Variants in MKLN1 observed in about 807,000 individuals in gnomAD.
MKLN1 encodes muskelin.
Under a neutral mutation model 99.0 loss-of-function variants are expected in MKLN1, and 18 were observed. That is an observed-to-expected ratio of 0.18 (90% CI 0.13 to 0.27). MKLN1 has a LOEUF of 0.27. Ranked by LOEUF, MKLN1 falls within the 10% of genes least tolerant of loss-of-function variation. The pLI is 1.00. For synonymous variants in MKLN1, 288 were observed against 293.2 expected (o/e 0.98, Z 0.18); for missense variants, 621 against 875.9 (o/e 0.71, Z 3.67).
intron 3 of MKLN1, among the ~76,000 whole-genome samples, chr7:131,292,721 G>A (rs1798239006): frequency 6.6e-6 from 1 of 152,198 alleles, no homozygotes; most frequent in Admixed American, 6.5e-5. Flanking sequence ...CCTACTTCCA[G>A]CTTCCAGACA....
Position 131,491,846 on chromosome 7 carries a change from T to C in MKLN1, c.*4118T>C, listed in dbSNP as rs1797431262. 1 of 152,678 alleles carries C rather than the reference T, an allele frequency of 6.5e-6. No homozygotes were observed. The highest frequency in any genetic ancestry group is 1.5e-5 in the Non-Finnish European group (1 of 68,040). 9.5% of individuals were successfully genotyped at this position (152,678 alleles called of 1,614,324 possible). ...TTATTTTTCTTAGCTAATGTAACTT[T>C]ATTCTTCACTTTTTTTTAGCCCTAG... On this transcript the variant is annotated 3_prime_UTR_variant, in exon 18 of 18. Coordinates refer to ENST00000352689, the MANE Select transcript of MKLN1 (RefSeq NM_013255.5).
chr7:131,303,446 C>T (rs1798407347), intron 3 of MKLN1, among the ~76,000 whole-genome samples: 2 of 152,368 alleles, frequency 1.3e-5, no homozygotes, highest in African/African-American at 2.4e-5. Flanking sequence ...ACTCAACAAA[C>T]AGAACCCTGG....
chr7:131,376,321 A>G (rs1444038015), intron 2 of MKLN1, among the ~76,000 whole-genome samples: 6 of 146,400 alleles, frequency 4.1e-5, no homozygotes, highest in African/African-American at 1.5e-4. Flanking sequence ...CCTGGGCAAC[A>G]CAGAAACCTT....
intron 8 of MKLN1, 117 bp from the exon 9 acceptor site, chr7:131,428,916 T>A (rs1014598890): frequency 1.5e-6 from 1 of 664,612 alleles, no homozygotes; most frequent in Admixed American, 2.9e-5. Context: ...AAAATTTTTA[T>A]TTTAAAATTT....
chr7:131,481,952 G>A (rs932925511), intron 17 of MKLN1, among the ~76,000 whole-genome samples: 2 of 152,088 alleles, frequency 1.3e-5, no homozygotes, highest in African/African-American at 2.4e-5. Context: ...TCAGAAAGAT[G>A]GAAGGTGACA....
At chr7:131,275,363 T>C (rs986174857) in intron 3 of MKLN1, among the ~76,000 whole-genome samples, 6 of 139,700 alleles carry the variant, frequency 4.3e-5, no homozygotes, top group Non-Finnish European at 7.7e-5. Flanking sequence ...TCGTTGTTGT[T>C]GGTTTTTTTT....
chr7:131,457,249 C>T (rs1452026711), intron 12 of MKLN1, among the ~76,000 whole-genome samples: 1 of 151,332 alleles, frequency 6.6e-6, no homozygotes, highest in East Asian at 1.9e-4. Context: ...TGCACTCCAG[C>T]CTGGGCAACA....
chr7:131,223,228 G>A (rs1166758985), intron 3 of MKLN1, among the ~76,000 whole-genome samples: 1 of 152,124 alleles, frequency 6.6e-6, no homozygotes, highest in Non-Finnish European at 1.5e-5. Flanking sequence ...ATTTTTAGAT[G>A]GTTGGCTGGA....
rs1314317186 is a variant in MKLN1 at position 131,417,346 on chromosome 7, T to C, written c.847+2636T>C. On this transcript the variant is annotated intron_variant, in intron 8 of 17. Transcript: ENST00000352689. The stretch of plus-strand genomic sequence containing the variant: ...AGAGCCATTTTGTACCTATTTGGAG[T>C]GCTTTCTTTTTTTCTTTTATTCGTT... Among the ~76,000 whole-genome samples the C allele has an allele frequency of 2.0e-5, 3 of 152,310 alleles. No individual in the cohort carries two copies. The East Asian group carries it at 5.8e-4, about 29-fold the overall frequency.
chr7:131,263,511 C>A (rs1797765069), intron 3 of MKLN1, among the ~76,000 whole-genome samples: 1 of 151,552 alleles, frequency 6.6e-6, no homozygotes, highest in African/African-American at 2.4e-5. Context: ...GGCAATAGAG[C>A]TAGACCCTGT....
In MKLN1 at chr7:131,487,915, C is replaced by G; in HGVS notation, c.*187C>G. The G allele has an allele frequency of 2.4e-6, 1 of 412,660 alleles. No homozygotes were observed. The highest frequency in any genetic ancestry group is 4.1e-6 in the Non-Finnish European group (1 of 242,820). 25.6% of individuals were successfully genotyped at this position (412,660 alleles called of 1,614,324 possible). ...TGACCTCAACCCCGCTCTCCTCATC[C>G]TATTCCTAAATTAGGCTAATAAAGT... On this transcript the variant is annotated 3_prime_UTR_variant, in exon 18 of 18. Coordinates refer to ENST00000352689, the MANE Select transcript of MKLN1 (RefSeq NM_013255.5). The surrounding 1 kb of genome is among the most constrained non-coding windows in gnomAD (Gnocchi z 4.7).
chr7:131,304,269 G>T (rs1265399835), intron 3 of MKLN1, among the ~76,000 whole-genome samples: 1 of 152,194 alleles, frequency 6.6e-6, no homozygotes, highest in East Asian at 1.9e-4. Context: ...TACTCAGGAG[G>T]CTGAAGAGAT....
chr7:131,341,607 G>T (rs1468444391), intron 1 of MKLN1, among the ~76,000 whole-genome samples: 1 of 152,186 alleles, frequency 6.6e-6, no homozygotes. Context: ...AACCTTTTTG[G>T]CACCAAGGAC....
chr7:131,388,628 C>T (rs575911449), intron 3 of MKLN1, among the ~76,000 whole-genome samples: 22 of 152,216 alleles, frequency 1.4e-4, no homozygotes, highest in African/African-American at 3.6e-4. Flanking sequence ...TTTTAAACAC[C>T]GTAGCTACAT....
At chr7:131,229,829 C>T (rs1430532024) in intron 3 of MKLN1, among the ~76,000 whole-genome samples, 3 of 152,190 alleles carry the variant, frequency 2.0e-5, no homozygotes, top group African/African-American at 7.2e-5. Flanking sequence ...GCTAGGATTA[C>T]AAGCCCAAGC....
In MKLN1 at chr7:131,375,508, A is replaced by G; in HGVS notation, c.168+15A>G. 6.6e-7 allele frequency: 1 copy of G among 1,519,848 alleles called. No individual in the cohort carries two copies. The highest frequency in any genetic ancestry group is 2.3e-5 in the East Asian group (1 of 44,306). The allele number at this position is 1,519,848 out of a possible 1,614,324, so 94.1% of individuals were successfully genotyped here. A position where few individuals can be genotyped will look rare whatever the true frequency, so the allele number is the denominator to read the frequency against. On this transcript the variant is annotated intron_variant, in intron 2 of 17. Coordinates refer to ENST00000352689, the MANE Select transcript of MKLN1 (RefSeq NM_013255.5). ...ATCCTCCCCAGGTAAGATTACATGT[A>G]TCCCTTAATGCTGTTTAGAAGTCAC... is the stretch of plus-strand genomic sequence containing the variant.
chr7:131,456,038 T>A (rs1378933062), intron 12 of MKLN1, among the ~76,000 whole-genome samples: 1 of 60,048 alleles, frequency 1.7e-5, no homozygotes, highest in African/African-American at 6.9e-5. Flanking sequence ...AGAGTGAGAC[T>A]CTGTCTCCAA....
intron 8 of MKLN1, among the ~76,000 whole-genome samples, chr7:131,427,697 G>T (rs1795397981): frequency 6.6e-6 from 1 of 152,074 alleles, no homozygotes; most frequent in South Asian, 2.1e-4. Flanking sequence ...GGGATTACAG[G>T]TGCCCGTCAC....
intron 1 of MKLN1, among the ~76,000 whole-genome samples, chr7:131,335,622 A>G (rs1428491058): frequency 1.3e-5 from 2 of 151,360 alleles, no homozygotes; most frequent in Non-Finnish European, 2.9e-5. Flanking sequence ...AAATTGTGGT[A>G]TGTTACATGT....
Sources: allele counts gnomAD v4.1 joint callset (sites outside exome capture counted in the v4.1 genomes callset), GRCh38; gene constraint gnomAD v4.1.1; non-coding constraint Gnocchi (gnomAD v3.1); transcripts MANE v1.5; gene names NCBI Gene and HGNC (gene_info 2026-07-23, HGNC 2026-07-21).